Variants in PTPN9 observed in about 807,000 individuals in gnomAD.
The protein encoded by PTPN9 is protein tyrosine phosphatase non-receptor type 9.
A neutral mutation model predicts 69.8 loss-of-function variants in PTPN9; 26 were observed. That is an observed-to-expected ratio of 0.37 (90% CI 0.27 to 0.52). The LOEUF (loss-of-function observed/expected upper bound fraction) is 0.52, where lower values mean the gene tolerates loss of function less well. Ranked by LOEUF, PTPN9 falls within the 20% of genes least tolerant of loss-of-function variation. PTPN9 has a pLI of 0.91. For missense variants in PTPN9, 549 were observed against 740.3 expected (o/e 0.74, Z 3.00); for synonymous variants, 274 against 272.5 (o/e 1.01, Z -0.05).
intron 1 of PTPN9, among the ~76,000 whole-genome samples, chr15:75,552,033 C>T (rs1372114631): frequency 6.8e-6 from 1 of 147,842 alleles, no homozygotes; most frequent in Non-Finnish European, 1.5e-5. Flanking sequence ...CAGAGTGAGA[C>T]TCCATCTCAA....
intron 2 of PTPN9, among the ~76,000 whole-genome samples, chr15:75,524,777 C>CAAAAAAA (rs10699634): frequency 2.7e-5 from 2 of 72,926 alleles, no homozygotes; most frequent in Non-Finnish European, 4.4e-5. Context: ...GACTCTGTCT[C>CAAAAAAA]AAAAAAAAAA....
At chr15:75,522,910 A>G (rs897083383) in intron 4 of PTPN9, among the ~76,000 whole-genome samples, 27 of 152,186 alleles carry the variant, frequency 1.8e-4, no homozygotes, top group African/African-American at 6.5e-4. Flanking sequence ...TTTTCCTGAC[A>G]TAGAGCCAAG....
At chr15:75,490,063 C>T (rs1595950732) in intron 8 of PTPN9, 145 bp downstream of exon 8, 1 of 665,310 alleles carries the variant, frequency 1.5e-6, no homozygotes, top group Non-Finnish European at 2.6e-6. Context: ...TGGTCACAGA[C>T]TAGTATGTAG....
intron 1 of PTPN9, among the ~76,000 whole-genome samples, chr15:75,576,885 A>G (rs1486438282): frequency 6.6e-6 from 1 of 152,194 alleles, no homozygotes; most frequent in Non-Finnish European, 1.5e-5. Context: ...ATATTAAACT[A>G]AAATATGGTA....
intron 5 of PTPN9, among the ~76,000 whole-genome samples, chr15:75,511,857 G>A (rs180760770): frequency 1.0e-3 from 143 of 143,304 alleles, no homozygotes; most frequent in Non-Finnish European, 1.8e-3. Context: ...TTTTTTTTGA[G>A]ACTCACTTTA....
At chr15:75,476,580 G>A (rs1200880919) in intron 9 of PTPN9, among the ~76,000 whole-genome samples, 6 of 152,188 alleles carry the variant, frequency 3.9e-5, no homozygotes, top group Admixed American at 6.5e-5. Context: ...CTCCCAAAGT[G>A]CTGGGATTAC....
chr15:75,478,622 T>G (rs1475961802), intron 9 of PTPN9, among the ~76,000 whole-genome samples: 3 of 152,230 alleles, frequency 2.0e-5, no homozygotes, highest in Non-Finnish European at 1.5e-5. Flanking sequence ...GCCTTTTTGT[T>G]TTTTATGGCA....
intron 7 of PTPN9, among the ~76,000 whole-genome samples, chr15:75,501,397 T>G (rs2074771511): frequency 6.6e-6 from 1 of 151,714 alleles, no homozygotes; most frequent in Non-Finnish European, 1.5e-5. Flanking sequence ...AATATGAGGC[T>G]GGGACCCACT....
intron 6 of PTPN9, 116 bp downstream of exon 6, chr15:75,508,795 TAACAGA>T (rs2074832437): frequency 1.5e-6 from 1 of 685,372 alleles, no homozygotes; most frequent in East Asian, 2.7e-5. Context: ...GTGAATGCAC[TAACAGA>T]AGCAGAACAG....
At chr15:75,490,459 T>C (rs1164732262) in intron 7 of PTPN9, among the ~76,000 whole-genome samples, 158 bp from the exon 8 acceptor site, 1 of 152,216 alleles carries the variant, frequency 6.6e-6, no homozygotes, top group Non-Finnish European at 1.5e-5. Context: ...TCATTTAACA[T>C]TTTTTGTGGT....
rs182663540 is a variant in PTPN9 at position 75,465,263 on chromosome 15, C to T, written c.*3506G>A. 1.3e-5 allele frequency: 2 copies of T among 152,028 alleles called. No individual in the cohort carries two copies. Among genetic ancestry groups the T allele is most frequent in the African/African-American group, 2.4e-5 (1 of 41,348 alleles). The allele number at this position is 152,028 out of a possible 1,614,324, so 9.4% of individuals were successfully genotyped here. A position where few individuals can be genotyped will look rare whatever the true frequency, so the allele number is the denominator to read the frequency against. On this transcript the variant is annotated 3_prime_UTR_variant, in exon 13 of 13. Transcript: ENST00000618819. ...GGATTACAAGCACATACCACCACACCCGGGTAATTTTTATATTTTTAGTAG... is the reference window on the plus strand; with the variant it reads ...GGATTACAAGCACATACCACCACACTCGGGTAATTTTTATATTTTTAGTAG...
chr15:75,558,672 G>T (rs897825350), intron 1 of PTPN9, among the ~76,000 whole-genome samples: 7 of 152,350 alleles, frequency 4.6e-5, no homozygotes, highest in African/African-American at 1.4e-4. Flanking sequence ...GCGACTGCAG[G>T]CGCGCGCCGC....
chr15:75,467,361 C>G lies in PTPN9; in HGVS notation c.*1408G>C, dbSNP rs2074541032. The stretch of plus-strand genomic sequence containing the variant: ...GTCACAGGGGAAGGTTTAGGAGTTC[C>G]TGGGATTTTTTGGGAATGTGGAGTG... On this transcript the variant is annotated 3_prime_UTR_variant, in exon 13 of 13. Transcript: ENST00000618819. 6.6e-6 allele frequency: 1 copy of G among 152,452 alleles called. No individual in the cohort carries two copies. 9.4% of individuals were successfully genotyped at this position (152,452 alleles called of 1,614,324 possible). A position where few individuals can be genotyped will look rare whatever the true frequency, so the allele number is the denominator to read the frequency against.
chr15:75,544,636 G>A (rs560943942), intron 1 of PTPN9, among the ~76,000 whole-genome samples: 1 of 152,286 alleles, frequency 6.6e-6, no homozygotes, highest in East Asian at 1.9e-4. Flanking sequence ...GGAGGTAACA[G>A]AGGTAGCTGG....
At chr15:75,497,672 G>C (rs1369222183) in intron 7 of PTPN9, among the ~76,000 whole-genome samples, 1 of 151,630 alleles carries the variant, frequency 6.6e-6, no homozygotes, top group African/African-American at 2.4e-5. Context: ...CTTGGTAGCG[G>C]GCACCTGTAA....
At chr15:75,482,475 G>A (rs1260396237) in intron 8 of PTPN9, among the ~76,000 whole-genome samples, 36 of 147,344 alleles carry the variant, frequency 2.4e-4, no homozygotes, top group Non-Finnish European at 1.5e-5. Flanking sequence ...TGAGGCAGGA[G>A]AATGGCGTGA....
At chr15:75,520,644 A>G (rs2074899519) in intron 4 of PTPN9, among the ~76,000 whole-genome samples, 1 of 151,856 alleles carries the variant, frequency 6.6e-6, no homozygotes, top group Non-Finnish European at 1.5e-5. Context: ...CCTCTCGAGT[A>G]GCTAGGATTA....
chr15:75,476,440 G>C (rs2074597086), intron 9 of PTPN9, among the ~76,000 whole-genome samples: 1 of 152,068 alleles, frequency 6.6e-6, no homozygotes, highest in Admixed American at 6.6e-5. Flanking sequence ...TCAGCCTCCT[G>C]AGTAGCTGGG....
At chr15:75,538,253 G>A (rs1027633022) in intron 1 of PTPN9, among the ~76,000 whole-genome samples, 3 of 152,106 alleles carry the variant, frequency 2.0e-5, no homozygotes, top group South Asian at 2.1e-4. Context: ...AATGCACTGC[G>A]TAAAATCCAT....
Sources: allele counts gnomAD v4.1 joint callset (sites outside exome capture counted in the v4.1 genomes callset), GRCh38; gene constraint gnomAD v4.1.1; transcripts MANE v1.5; gene names NCBI Gene and HGNC (gene_info 2026-07-23, HGNC 2026-07-21).